The following MROH1 variants were observed in gnomAD, a reference collection of about 807,000 sequenced individuals.
MROH1 encodes the protein maestro heat-like repeat-containing protein family member 1.
MROH1 carries 117 observed loss-of-function variants against 116.5 expected under a neutral mutation model. That is an observed-to-expected ratio of 1.00 (90% CI 0.86 to 1.17). The LOEUF (loss-of-function observed/expected upper bound fraction) is 1.17. Among genes scored for constraint, MROH1 ranks in the 50% most tolerant of loss-of-function variants. The pLI, the probability that MROH1 is intolerant of heterozygous loss-of-function variation, is 0.00. For synonymous variants in MROH1, 921 were observed against 583.9 expected (o/e 1.58, Z -8.32); for missense variants, 1,873 against 1,338.5 (o/e 1.40, Z -6.23).
At chr8:144,208,433 C>T (rs1312673795) in intron 12 of MROH1, among the ~76,000 whole-genome samples, 1 of 147,414 alleles carries the variant, frequency 6.8e-6, no homozygotes, top group Non-Finnish European at 1.5e-5. Context: ...TTACCCTGAT[C>T]TCTGTTTTAT....
At chr8:144,248,235 C>A (rs1301398664) in intron 31 of MROH1, among the ~76,000 whole-genome samples, 5 of 152,222 alleles carry the variant, frequency 3.3e-5, no homozygotes, top group Non-Finnish European at 7.3e-5. Flanking sequence ...CGACCCATGC[C>A]TGCCTGGTCT....
At chr8:144,210,116 T>C (rs1211513747) in intron 12 of MROH1, among the ~76,000 whole-genome samples, 1 of 151,566 alleles carries the variant, frequency 6.6e-6, no homozygotes, top group Non-Finnish European at 1.5e-5. Context: ...TAGTAATCAC[T>C]CCCTTATGAT....
chr8:144,199,312 C>A (rs2131781197), intron 11 of MROH1, 112 bp downstream of exon 11: 1 of 1,115,934 alleles, frequency 9.0e-7, no homozygotes, highest in Non-Finnish European at 1.3e-6. Flanking sequence ...GATGAGGAGG[C>A]CCCTGTTTCC....
Position 144,256,514 on chromosome 8 carries a change from G to A in MROH1, c.3791+809G>A, listed in dbSNP as rs1036174201. Among the ~76,000 whole-genome samples the A allele has an allele frequency of 1.5e-3, 232 of 152,232 alleles. 2 individuals carry two copies. Among genetic ancestry groups the A allele is most frequent in the African/African-American group, 5.2e-3 (216 of 41,510 alleles). Reference sequence around the variant, plus strand: ...CAGGCCAGCTCGTAAAGCCCAGTGGGGCCGGCTGCCAGCGCTGCTCTGCCC... The same window carrying A: ...CAGGCCAGCTCGTAAAGCCCAGTGGAGCCGGCTGCCAGCGCTGCTCTGCCC... On this transcript the variant is annotated intron_variant, in intron 35 of 43. Transcript: ENST00000326134.
At chr8:144,183,946 C>T (rs1006725113) in intron 7 of MROH1, among the ~76,000 whole-genome samples, 3 of 152,136 alleles carry the variant, frequency 2.0e-5, no homozygotes, top group African/African-American at 7.2e-5. Flanking sequence ...CGCGCCTGGC[C>T]AGACAAGGCC....
At position 144,220,675 on chromosome 8, in the gene MROH1, TA is replaced by T; in HGVS notation, c.1215+5del. On this transcript the variant is annotated splice_donor_region_variant and intron_variant, in intron 13 of 43. Transcript: ENST00000326134. ...CCTCTCCTGGACACCAACAGCAAGG[TA>T]AACCACATGGGCCAGCCCAGGCTGC... 1.3e-6 allele frequency: 2 copies of T among 1,569,336 alleles called. No individual in the cohort carries two copies. The highest frequency in any genetic ancestry group is 4.7e-5 in the East Asian group (2 of 42,398).
intron 1 of MROH1, among the ~76,000 whole-genome samples, chr8:144,157,677 C>CTTTTTTT (rs1164415639): frequency 1.9e-4 from 22 of 117,906 alleles, no homozygotes; most frequent in African/African-American, 2.8e-4. Flanking sequence ...TTCTTTCTTT[C>CTTTTTTT]TTTTTTTTTT....
chr8:144,257,294 A>T (rs979235872), intron 35 of MROH1, among the ~76,000 whole-genome samples: 2 of 152,150 alleles, frequency 1.3e-5, no homozygotes, highest in Non-Finnish European at 2.9e-5. Flanking sequence ...GAGAGAGAGG[A>T]GCCTGGGGAC....
chr8:144,192,198 GTCC>G, intron 9 of MROH1, 108 bp from the exon 10 acceptor site: 1 of 900,446 alleles, frequency 1.1e-6, no homozygotes. Context: ...TGGGGCCCAT[GTCC>G]TCCTGGCCCA....
At chr8:144,189,026 G>T (rs1217840897) in intron 7 of MROH1, among the ~76,000 whole-genome samples, 1 of 152,224 alleles carries the variant, frequency 6.6e-6, no homozygotes, top group African/African-American at 2.4e-5. Context: ...CTGCAAAGCG[G>T]TGTTATCTCA....
Position 144,180,499 on chromosome 8 carries a change from A to G in MROH1, c.538A>G (p.Thr180Ala), listed in dbSNP as rs1431489960. The G allele has an allele frequency of 6.2e-7, 1 of 1,611,408 alleles. No individual in the cohort carries two copies. Among genetic ancestry groups the G allele is most frequent in the African/African-American group, 1.3e-5 (1 of 75,028 alleles). The change falls in exon 7 of 44, where the codon ACG (threonine) becomes GCG (alanine). Residue 180 changes from threonine to alanine, a missense_variant. Physicochemically the swap from Thr to Ala is moderately conservative, Grantham distance 58 (BLOSUM62 0). Transcript: ENST00000326134. The surrounding 1 kb of genome is among the most constrained non-coding windows in gnomAD (Gnocchi z 7.4). ...LPVLGVAKQD[T>A]VRVAFCSALQ... The stretch of plus-strand genomic sequence containing the variant: ...CGTGCTGGGCGTGGCCAAGCAGGAC[A>G]CGGTGCGCGTGGCCTTCTGCTCCGG...
intron 4 of MROH1, among the ~76,000 whole-genome samples, chr8:144,177,370 G>C (rs1824271917): frequency 6.6e-6 from 1 of 152,252 alleles, no homozygotes; most frequent in South Asian, 2.1e-4. Context: ...GTGTCAAGTG[G>C]CTGGGTGTCA....
intron 14 of MROH1, among the ~76,000 whole-genome samples, chr8:144,236,615 C>T (rs1294672365): frequency 4.6e-5 from 7 of 151,574 alleles, no homozygotes; most frequent in Admixed American, 2.6e-4. Flanking sequence ...TGGTGGTGGG[C>T]GCCTGTAATC....
chr8:144,213,332 G>A, intron 12 of MROH1: 1 of 440,852 alleles, frequency 2.3e-6, no homozygotes, highest in Non-Finnish European at 4.0e-6. Context: ...AGTTTATTGT[G>A]CCTTTTATCG....
intron 4 of MROH1, among the ~76,000 whole-genome samples, chr8:144,178,716 G>T (rs1170019294): frequency 6.6e-6 from 1 of 152,186 alleles, no homozygotes. Flanking sequence ...GCATCATTGG[G>T]GAGGGGCTGT....
chr8:144,159,732 G>T (rs940518161), intron 1 of MROH1, among the ~76,000 whole-genome samples: 5 of 149,932 alleles, frequency 3.3e-5, no homozygotes, highest in Admixed American at 3.3e-4. Flanking sequence ...CTCACAATGG[G>T]TTGGATTTTC....
intron 3 of MROH1, among the ~76,000 whole-genome samples, 174 bp from the exon 4 acceptor site, chr8:144,168,121 G>A (rs142817479): frequency 1.4e-4 from 22 of 152,292 alleles, no homozygotes; most frequent in Non-Finnish European, 2.5e-4. Flanking sequence ...CCTGACCCCT[G>A]CAGCAGCTCA....
At chr8:144,239,474 G>T in intron 17 of MROH1, 111 bp downstream of exon 17, 1 of 772,444 alleles carries the variant, frequency 1.3e-6, no homozygotes, top group Admixed American at 1.7e-5. Context: ...CAGGGCTCAG[G>T]TGTGGTTTTC....
intron 12 of MROH1, 28 bp from the exon 13 acceptor site, chr8:144,220,572 G>T (rs368027561): frequency 6.4e-7 from 1 of 1,555,198 alleles, no homozygotes. Context: ...TCAGTGGTAG[G>T]CTGAGCTGTC....
Sources: allele counts gnomAD v4.1 joint callset (sites outside exome capture counted in the v4.1 genomes callset), GRCh38; gene constraint gnomAD v4.1.1; non-coding constraint Gnocchi (gnomAD v3.1); transcripts MANE v1.5; gene names NCBI Gene and HGNC (gene_info 2026-07-23, HGNC 2026-07-21).